DDI2: variants seen among roughly 807,000 people sequenced by gnomAD.
The protein encoded by DDI2 is DDI proteasomal shuttling factor 2, also known as protein DDI1 homolog 2.
Under a neutral mutation model 48.1 loss-of-function variants are expected in DDI2, and 5 were observed. The ratio of observed to expected loss-of-function variants is 0.10; its 90% CI spans 0.05 to 0.22. DDI2 has a LOEUF of 0.22. Ranked by LOEUF, DDI2 falls within the 10% of genes least tolerant of loss-of-function variation. The pLI, the probability that DDI2 is intolerant of heterozygous loss-of-function variation, is 1.00. For missense variants in DDI2, 285 were observed against 506.2 expected (o/e 0.56, Z 4.19); for synonymous variants, 205 against 183.6 (o/e 1.12, Z -0.94).
Position 15,660,345 on chromosome 1 carries a change from G to A in DDI2, c.*555G>A. 1 of 1,614,116 alleles carries A rather than the reference G, an allele frequency of 6.2e-7. No individual in the cohort carries two copies. Among genetic ancestry groups the A allele is most frequent in the Non-Finnish European group, 8.5e-7 (1 of 1,180,020 alleles). On this transcript the variant is annotated 3_prime_UTR_variant, in exon 10 of 10. Transcript: ENST00000480945. ...ATTGGCATCCAGAAAATCAGAACCT[G>A]AGTCAAGTGAGTGACCCTCAGCAGC...
In DDI2 at chr1:15,623,556, G is replaced by GCTTCTTCTTCTTCTTCTT. The variant is rs140856838; in HGVS notation, c.139-3110_139-3109insCTTCTTCTTCTTCTTCTT. On this transcript the variant is annotated intron_variant, in intron 1 of 9. Transcript: ENST00000480945. Reference sequence around the variant, plus strand: ...CTACAGGCATATGCTACCATGCCTGGCTTATTATTATTATTATTATTATTA... The same window carrying GCTTCTTCTTCTTCTTCTT: ...CTACAGGCATATGCTACCATGCCTGGCTTCTTCTTCTTCTTCTTCTTATTATTATTATTATTATTATTA... 9.4e-3 allele frequency among the ~76,000 whole-genome samples: 1,331 copies of GCTTCTTCTTCTTCTTCTT among 141,592 alleles called. 18 individuals are homozygous for GCTTCTTCTTCTTCTTCTT. Among genetic ancestry groups the GCTTCTTCTTCTTCTTCTT allele is most frequent in the African/African-American group, 0.031 (1,023 of 33,278 alleles). 92.9% of individuals were successfully genotyped at this position (141,592 alleles called of 152,430 possible).
intron 9 of DDI2, chr1:15,656,908 A>C (rs887947444): frequency 4.9e-5 from 23 of 472,050 alleles, no homozygotes; most frequent in African/African-American, 4.4e-4. Flanking sequence ...ACAGGGAGAA[A>C]ATCCCAGTTA....
chr1:15,646,215 T>G (rs566206258), intron 6 of DDI2, among the ~76,000 whole-genome samples: 11 of 152,350 alleles, frequency 7.2e-5, no homozygotes, highest in Non-Finnish European at 1.2e-4. Flanking sequence ...CCCGCCAGCC[T>G]TGCTGCTTTG....
At chr1:15,627,042 A>G in intron 2 of DDI2, 1 of 506,096 alleles carries the variant, frequency 2.0e-6, no homozygotes, top group South Asian at 2.7e-5. Flanking sequence ...ATGCATGTAA[A>G]ATCTTAGCAC....
chr1:15,638,188 G>T, intron 4 of DDI2, 119 bp from the exon 5 acceptor site: 1 of 1,426,634 alleles, frequency 7.0e-7, no homozygotes, highest in Non-Finnish European at 9.6e-7. Flanking sequence ...TCTATGACTC[G>T]GCTGCTGTGC....
chr1:15,661,110 C>G lies in DDI2; in HGVS notation c.*1320C>G, dbSNP rs763716199. The stretch of plus-strand genomic sequence containing the variant: ...CCCAGAATGAACAGTGTCCACAAGT[C>G]TCCTTTCATCAGGCCATATCTGTAT... On this transcript the variant is annotated 3_prime_UTR_variant, in exon 10 of 10. Transcript: ENST00000480945. 1.2e-6 allele frequency: 2 copies of G among 1,613,708 alleles called. No homozygotes were observed. Among genetic ancestry groups the G allele is most frequent in the Non-Finnish European group, 8.5e-7 (1 of 1,179,832 alleles).
chr1:15,650,908 G>A (rs899020332), intron 7 of DDI2, among the ~76,000 whole-genome samples: 2 of 152,164 alleles, frequency 1.3e-5, no homozygotes, highest in African/African-American at 2.4e-5. Context: ...AGGCTGGAGT[G>A]CAGTGGTGCA....
intron 1 of DDI2, among the ~76,000 whole-genome samples, 172 bp downstream of exon 1, chr1:15,617,980 G>T (rs1305671969): frequency 6.6e-6 from 1 of 152,228 alleles, no homozygotes; most frequent in Non-Finnish European, 1.5e-5. Context: ...ATCAGTAGCT[G>T]CCCTCACACA....
chr1:15,636,299 C>G (rs1319151151), intron 4 of DDI2, among the ~76,000 whole-genome samples: 1 of 151,956 alleles, frequency 6.6e-6, no homozygotes, highest in Non-Finnish European at 1.5e-5. Flanking sequence ...GCTAATTTTT[C>G]TTGTATTTTG....
intron 7 of DDI2, 152 bp from the exon 8 acceptor site, chr1:15,651,554 G>C: frequency 1.8e-6 from 1 of 560,746 alleles, no homozygotes; most frequent in Non-Finnish European, 2.8e-6. Context: ...CCTGACCTCA[G>C]GTGATCTGCC....
At chr1:15,633,667 C>CT (rs1042497054) in intron 4 of DDI2, 102 bp downstream of exon 4, 9 of 1,553,126 alleles carry the variant, frequency 5.8e-6, no homozygotes, top group Non-Finnish European at 7.9e-6. Context: ...GGTAGCTTCT[C>CT]TGTTTTGCAG....
rs577697155 is a variant in DDI2, at chr1:15,667,582, C to A, written c.*7792C>A. On this transcript the variant is annotated 3_prime_UTR_variant, in exon 10 of 10. Transcript: ENST00000480945. ...AACTTGTGAAAACGGGAATCTAGAG[C>A]AGAACATGTAATCAGCGATGGCTGG... 1 of 152,354 alleles carries A rather than the reference C, an allele frequency of 6.6e-6. No individual in the cohort carries two copies. The highest frequency in any genetic ancestry group is 1.5e-5 in the Non-Finnish European group (1 of 68,064). 9.4% of individuals were successfully genotyped at this position (152,354 alleles called of 1,614,324 possible).
rs1640379666 is a variant in DDI2, at chr1:15,661,550, C to T, written c.*1760C>T. 6.2e-7 allele frequency: 1 copy of T among 1,614,088 alleles called. No individual in the cohort carries two copies. The highest frequency in any genetic ancestry group is 1.7e-5 in the Admixed American group (1 of 60,002). ...TATGAACCACCTACCAGCCATCCAT[C>T]ATCAAGTCCTGCCATTCTTCCACCA... On this transcript the variant is annotated 3_prime_UTR_variant, in exon 10 of 10. Coordinates refer to ENST00000480945, the MANE Select transcript of DDI2 (RefSeq NM_032341.5).
At position 15,638,446 on chromosome 1, in the gene DDI2, G is replaced by T. The variant is rs1370779624; in HGVS notation, c.760+12G>T. 1 of 1,605,220 alleles carries T rather than the reference G, an allele frequency of 6.2e-7. No homozygotes were observed. Among genetic ancestry groups the T allele is most frequent in the African/African-American group, 1.3e-5 (1 of 74,386 alleles). ...CTTTGTTGACTCAGGTGACGTCTCT[G>T]TCTTTTATTTCTTGGTCTCCCCTCC... On this transcript the variant is annotated intron_variant, in intron 5 of 9. Coordinates refer to ENST00000480945, the MANE Select transcript of DDI2 (RefSeq NM_032341.5).
rs377538697 is a variant in DDI2 at position 15,647,344 on chromosome 1, C to T, written c.890-2376C>T. Reference sequence around the variant, plus strand: ...TGGATTTTTAGTAGAGACAGGGTTTCACCATGTTGCCCAGGCTGGTCTCGA... The same window carrying T: ...TGGATTTTTAGTAGAGACAGGGTTTTACCATGTTGCCCAGGCTGGTCTCGA... On this transcript the variant is annotated intron_variant, in intron 6 of 9. Coordinates refer to ENST00000480945, the MANE Select transcript of DDI2 (RefSeq NM_032341.5). Among the ~76,000 whole-genome samples, 8 of 152,030 alleles carry T rather than the reference C, an allele frequency of 5.3e-5. No homozygotes were observed. In the East Asian group the frequency reaches 1.5e-3, roughly 29 times the overall value.
chr1:15,665,165 G>A lies in DDI2; in HGVS notation c.*5375G>A, dbSNP rs2148311451. 1 of 152,194 alleles carries A rather than the reference G, an allele frequency of 6.6e-6. No homozygotes were observed. The highest frequency in any genetic ancestry group is 2.1e-4 in the South Asian group (1 of 4,820). 9.4% of individuals were successfully genotyped at this position (152,194 alleles called of 1,614,324 possible). A position where few individuals can be genotyped will look rare whatever the true frequency, so the allele number is the denominator to read the frequency against. On this transcript the variant is annotated 3_prime_UTR_variant, in exon 10 of 10. Transcript: ENST00000480945. The stretch of plus-strand genomic sequence containing the variant: ...TAATTCCAGCTACTCGGGAGGCTGA[G>A]GCAGGAGAATCACTTAAACCTGGGA...
At chr1:15,619,672 AG>A (rs1166157476) in intron 1 of DDI2, among the ~76,000 whole-genome samples, 1 of 150,580 alleles carries the variant, frequency 6.6e-6, no homozygotes, top group Non-Finnish European at 1.5e-5. Flanking sequence ...CATGTTAGCC[AG>A]GATGGTCTCG....
At chr1:15,656,762 T>G in intron 9 of DDI2, 83 bp downstream of exon 9, 1 of 1,586,414 alleles carries the variant, frequency 6.3e-7, no homozygotes, top group East Asian at 2.3e-5. Context: ...TTTGGGAAGT[T>G]AGCATTTGTC....
intron 6 of DDI2, among the ~76,000 whole-genome samples, chr1:15,648,413 C>T (rs1640123073): frequency 6.6e-6 from 1 of 152,184 alleles, no homozygotes; most frequent in East Asian, 1.9e-4. Context: ...TTGGGGGTGG[C>T]AGTTCTCCCA....
Sources: allele counts gnomAD v4.1 joint callset (sites outside exome capture counted in the v4.1 genomes callset), GRCh38; gene constraint gnomAD v4.1.1; transcripts MANE v1.5; gene names NCBI Gene and HGNC (gene_info 2026-07-23, HGNC 2026-07-21).